Variants in LRCH1 observed in about 807,000 individuals in gnomAD.
LRCH1 encodes the protein leucine rich repeats and calponin homology domain containing 1.
Under a neutral mutation model 94.9 loss-of-function variants are expected in LRCH1, and 23 were observed. The ratio of observed to expected loss-of-function variants is 0.24; its 90% CI spans 0.17 to 0.34. LRCH1 has a LOEUF of 0.34. Among genes scored for constraint, LRCH1 ranks in the 10% least tolerant of loss-of-function variants. The pLI is 1.00. For missense variants in LRCH1, 790 were observed against 945.9 expected (o/e 0.84, Z 2.16); for synonymous variants, 364 against 354.9 (o/e 1.03, Z -0.29).
chr13:46,720,632 A>G (rs1872551540), intron 16 of LRCH1, among the ~76,000 whole-genome samples: 1 of 152,122 alleles, frequency 6.6e-6, no homozygotes, highest in Non-Finnish European at 1.5e-5. Context: ...GAAATTAAGG[A>G]AAAGCAGAAT....
In LRCH1 at chr13:46,608,247, T is replaced by C. The variant is rs547210813; in HGVS notation, c.308-41954T>C. On this transcript the variant is annotated intron_variant, in intron 1 of 19. Coordinates refer to ENST00000389797, the MANE Select transcript of LRCH1 (RefSeq NM_001164211.2). Reference sequence around the variant, plus strand: ...AGGGCAGAAAAGTGCAGACGTGTTCTTGTGCGACCTCCAGATGTGGTGTGG... The same window carrying C: ...AGGGCAGAAAAGTGCAGACGTGTTCCTGTGCGACCTCCAGATGTGGTGTGG... Among the ~76,000 whole-genome samples the C allele has an allele frequency of 2.0e-5, 3 of 152,296 alleles. No individual in the cohort carries two copies. In the East Asian group the frequency reaches 5.8e-4, roughly 29 times the overall value.
chr13:46,723,328 G>A lies in LRCH1; in HGVS notation c.1867G>A (p.Glu623Lys), dbSNP rs749299616. 1 of 1,589,830 alleles carries A rather than the reference G, an allele frequency of 6.3e-7. No homozygotes were observed. Among genetic ancestry groups the A allele is most frequent in the Non-Finnish European group, 8.6e-7 (1 of 1,159,270 alleles). The part of the protein sequence containing the change: ...EEKELVEQLR[E>K]SIEMRLKVSL... ...GAAAGAGCTGGTGGAACAACTTCGT[G>A]AGGTACCCAAGAAATATTATGTAAC... Residue 623 changes from glutamate (E) to lysine (K), a missense_variant and splice_region_variant, in exon 17 of 20, where the codon GAG becomes AAG. Glu to Lys is a moderately conservative substitution (Grantham distance 56). Around this residue, in one of 3 missense-constraint regions of LRCH1, gnomAD observed 460 missense variants for 508.9 expected, o/e 0.90. Coordinates refer to ENST00000389797, the MANE Select transcript of LRCH1 (RefSeq NM_001164211.2).
Position 46,723,359 on chromosome 13 carries a change from G to A in LRCH1, c.1869+29G>A, listed in dbSNP as rs1264766433. ...CCCAAGAAATATTATGTAACTAAAG[G>A]AGAATTTAAGCAACATTCTACATTT... On this transcript the variant is annotated intron_variant, in intron 17 of 19. Transcript: ENST00000389797. The A allele has an allele frequency of 2.1e-6, 3 of 1,424,480 alleles. No homozygotes were observed. In the East Asian group the frequency reaches 6.8e-5, roughly 32 times the overall value. 88.2% of individuals were successfully genotyped at this position (1,424,480 alleles called of 1,614,324 possible). A position where few individuals can be genotyped will look rare whatever the true frequency, so the allele number is the denominator to read the frequency against.
At chr13:46,707,207 T>C (rs1871809297) in intron 13 of LRCH1, among the ~76,000 whole-genome samples, 1 of 152,226 alleles carries the variant, frequency 6.6e-6, no homozygotes, top group Admixed American at 6.5e-5. Context: ...AACATTTCCA[T>C]GACCTTTCTT....
chr13:46,637,658 A>G (rs1216970938), intron 1 of LRCH1, among the ~76,000 whole-genome samples: 4 of 151,284 alleles, frequency 2.6e-5, no homozygotes, highest in Non-Finnish European at 1.5e-5. Flanking sequence ...CTTGGTTGCG[A>G]ATTCTTCCCT....
At chr13:46,585,706 C>T (rs919227450) in intron 1 of LRCH1, among the ~76,000 whole-genome samples, 4 of 152,106 alleles carry the variant, frequency 2.6e-5, no homozygotes, top group African/African-American at 4.8e-5. Context: ...TTACATCTCT[C>T]GATCTTTTTG....
chr13:46,659,854 A>G (rs2051422553), intron 2 of LRCH1, among the ~76,000 whole-genome samples: 1 of 152,144 alleles, frequency 6.6e-6, no homozygotes, highest in South Asian at 2.1e-4. Flanking sequence ...CCTCAGTACC[A>G]GTAGGAGAGA....
intron 2 of LRCH1, among the ~76,000 whole-genome samples, chr13:46,659,349 T>C (rs927058999): frequency 1.3e-5 from 2 of 151,966 alleles, no homozygotes; most frequent in African/African-American, 4.8e-5. Context: ...CCCGCCACCA[T>C]GCCCGGCTAA....
At chr13:46,580,675 G>A (rs1197825661) in intron 1 of LRCH1, among the ~76,000 whole-genome samples, 1 of 152,066 alleles carries the variant, frequency 6.6e-6, no homozygotes, top group East Asian at 1.9e-4. Flanking sequence ...TGCCATTCTT[G>A]TTCTGTAGAT....
At position 46,687,931 on chromosome 13, in the gene LRCH1, A is replaced by T. The variant is rs774576198; in HGVS notation, c.902A>T (p.Tyr301Phe). Residue 301 changes from tyrosine (Y) to phenylalanine (F), a missense_variant, in exon 6 of 20, where the codon TAT (tyrosine) becomes TTT (phenylalanine). Around this residue, in one of 3 missense-constraint regions of LRCH1, gnomAD observed 194 missense variants for 293.5 expected, o/e 0.66. Transcript: ENST00000389797. ...CAGATTAAGACAGCTGACTCCCTTT[A>T]TCTCCACACCATGGAGAGGCCACAT... Reference protein sequence around the residue: ...ACQIKTADSLYLHTMERPHLH... With the variant: ...ACQIKTADSLFLHTMERPHLH... The T allele has an allele frequency of 1.2e-6, 2 of 1,612,982 alleles. No homozygotes were observed.
chr13:46,724,254 A>C (rs1345499080), intron 17 of LRCH1, among the ~76,000 whole-genome samples: 1 of 152,168 alleles, frequency 6.6e-6, no homozygotes, highest in Non-Finnish European at 1.5e-5. Flanking sequence ...TGTTGCCCAG[A>C]CTAGAGTGCA....
intron 11 of LRCH1, among the ~76,000 whole-genome samples, chr13:46,703,368 A>G (rs577426760): frequency 6.6e-6 from 1 of 152,322 alleles, no homozygotes; most frequent in East Asian, 1.9e-4. Flanking sequence ...TTCTTCATCT[A>G]TAAGAGGGGG....
At chr13:46,614,057 T>A (rs1220488698) in intron 1 of LRCH1, among the ~76,000 whole-genome samples, 1 of 152,146 alleles carries the variant, frequency 6.6e-6, no homozygotes, top group Non-Finnish European at 1.5e-5. Context: ...ATATTCCTAG[T>A]GAAGTAATTA....
At chr13:46,665,969 T>C (rs189206881) in intron 2 of LRCH1, among the ~76,000 whole-genome samples, 1 of 152,314 alleles carries the variant, frequency 6.6e-6, no homozygotes, top group Non-Finnish European at 1.5e-5. Flanking sequence ...CAAATGGGCT[T>C]TTGTGTGCCT....
At chr13:46,601,745 G>A (rs993324900) in intron 1 of LRCH1, among the ~76,000 whole-genome samples, 1 of 152,222 alleles carries the variant, frequency 6.6e-6, no homozygotes, top group Non-Finnish European at 1.5e-5. Flanking sequence ...TTTTTACCCA[G>A]TCATGATCAC....
Position 46,687,777 on chromosome 13 carries a change from C to G in LRCH1, c.823-75C>G, listed in dbSNP as rs1870697349. 3 of 1,243,446 alleles carry G rather than the reference C, an allele frequency of 2.4e-6. No homozygotes were observed. In the Admixed American group the frequency reaches 5.9e-5, roughly 24 times the overall value. The allele number at this position is 1,243,446 out of a possible 1,614,324, so 77.0% of individuals were successfully genotyped here. A position where few individuals can be genotyped will look rare whatever the true frequency, so the allele number is the denominator to read the frequency against. ...ATGAAACTGGGAAAATTGAAATATA[C>G]AGAGTAAGGATTTGATACTTACATT... On this transcript the variant is annotated intron_variant, in intron 5 of 19. Transcript: ENST00000389797.
At chr13:46,609,793 C>T (rs1033050678) in intron 1 of LRCH1, among the ~76,000 whole-genome samples, 3 of 152,042 alleles carry the variant, frequency 2.0e-5, no homozygotes, top group Non-Finnish European at 4.4e-5. Context: ...AACTATGGCA[C>T]GTCCATGAAA....
chr13:46,744,925 G>A, downstream of LRCH1: 1 of 982,460 alleles, frequency 1.0e-6, no homozygotes, highest in Non-Finnish European at 1.2e-6. Flanking sequence ...TCTTCTTTAA[G>A]ATGGTCAGAG....
chr13:46,590,135 G>A (rs549267102), intron 1 of LRCH1, among the ~76,000 whole-genome samples: 18 of 152,170 alleles, frequency 1.2e-4, no homozygotes, highest in Admixed American at 7.2e-4. Context: ...TGTCATCTTC[G>A]CAGAGTGATT....
Sources: allele counts gnomAD v4.1 joint callset (sites outside exome capture counted in the v4.1 genomes callset), GRCh38; gene constraint gnomAD v4.1.1; regional missense constraint gnomAD v4.1.1; transcripts MANE v1.5; gene names NCBI Gene and HGNC (gene_info 2026-07-23, HGNC 2026-07-21).